The following PIK3C3 variants were observed in gnomAD, a reference collection of about 807,000 sequenced individuals.
PIK3C3 encodes phosphatidylinositol 3-kinase catalytic subunit type 3.
Under a neutral mutation model 126.1 loss-of-function variants are expected in PIK3C3, and 95 were observed. The ratio of observed to expected loss-of-function variants is 0.75; its 90% CI spans 0.64 to 0.89. PIK3C3 has a LOEUF of 0.89. Among genes scored for constraint, PIK3C3 ranks in the 40% least tolerant of loss-of-function variants. PIK3C3 has a pLI of 0.00. For missense variants in PIK3C3, 829 were observed against 1,063.2 expected, an observed-to-expected ratio of 0.78 and a Z score of 3.06; for synonymous variants, 374 against 360.0, an observed-to-expected ratio of 1.04 and a Z score of -0.44.
chr18:41,973,111 T>G (rs746253083), intron 4 of PIK3C3, among the ~76,000 whole-genome samples: 3 of 152,200 alleles, frequency 2.0e-5, no homozygotes, highest in Non-Finnish European at 2.9e-5. Context: ...AGGAAATAAT[T>G]GGGATTATCT....
chr18:42,068,072 A>G (rs937878534), intron 24 of PIK3C3, among the ~76,000 whole-genome samples: 3 of 152,166 alleles, frequency 2.0e-5, no homozygotes, highest in African/African-American at 4.8e-5. Flanking sequence ...TTTTTCTTCT[A>G]TGCCCTCACC....
intron 21 of PIK3C3, 178 bp from the exon 22 acceptor site, chr18:42,057,705 T>G (rs1464932948): frequency 1.7e-6 from 1 of 572,000 alleles, no homozygotes; most frequent in Non-Finnish European, 3.0e-6. Flanking sequence ...AATGAGTTAA[T>G]TATGTTCTGA....
chr18:42,001,355 A>G (rs1000460513), intron 9 of PIK3C3, among the ~76,000 whole-genome samples: 6 of 152,246 alleles, frequency 3.9e-5, no homozygotes. Flanking sequence ...TAATTGATAG[A>G]GCCAGGAATT....
intron 24 of PIK3C3, among the ~76,000 whole-genome samples, chr18:42,080,285 T>C (rs1303460130): frequency 6.6e-6 from 1 of 152,192 alleles, no homozygotes; most frequent in Non-Finnish European, 1.5e-5. Context: ...AATTTTTTTC[T>C]AGAGTGACAC....
intron 10 of PIK3C3, among the ~76,000 whole-genome samples, chr18:42,009,281 A>T (rs936558742): frequency 3.9e-5 from 6 of 152,198 alleles, no homozygotes; most frequent in African/African-American, 1.4e-4. Context: ...TTGAACAAGA[A>T]TTAATAAGCC....
chr18:42,039,030 A>G (rs1166684755), intron 18 of PIK3C3, among the ~76,000 whole-genome samples, 180 bp downstream of exon 18: 1 of 152,030 alleles, frequency 6.6e-6, no homozygotes, highest in Non-Finnish European at 1.5e-5. Flanking sequence ...CTCAGTAACT[A>G]CTGATTAATG....
intron 18 of PIK3C3, 57 bp from the exon 19 acceptor site, chr18:42,040,620 T>C: frequency 8.4e-7 from 1 of 1,183,992 alleles, no homozygotes. Flanking sequence ...GCAGAACCTT[T>C]ATTTTTATTT....
At chr18:41,992,879 C>T (rs1351221953) in intron 6 of PIK3C3, among the ~76,000 whole-genome samples, 3 of 152,094 alleles carry the variant, frequency 2.0e-5, no homozygotes, top group Non-Finnish European at 4.4e-5. Context: ...GCAAATGATG[C>T]AACACATCCA....
Position 42,041,215 on chromosome 18 carries a change from G to A in PIK3C3, c.2103+474G>A, listed in dbSNP as rs1392432291. Among the ~76,000 whole-genome samples, 5 of 151,882 alleles carry A rather than the reference G, an allele frequency of 3.3e-5. No individual in the cohort carries two copies. In the East Asian group the frequency reaches 9.6e-4, roughly 29 times the overall value. On this transcript the variant is annotated intron_variant, in intron 19 of 24. Coordinates refer to ENST00000262039, the MANE Select transcript of PIK3C3 (RefSeq NM_002647.4). ...ACAAAAAAAACCCCAAAAAAACAGA[G>A]TTAATTGGTGAACAAATTAAAATTT...
chr18:41,994,025 TTTG>T (rs1158161541), intron 7 of PIK3C3, among the ~76,000 whole-genome samples: 1 of 152,160 alleles, frequency 6.6e-6, no homozygotes, highest in African/African-American at 2.4e-5. Context: ...TCCAACTCTT[TTTG>T]TTCTAATTTT....
intron 18 of PIK3C3, 60 bp downstream of exon 18, chr18:42,038,910 A>G: frequency 8.6e-7 from 1 of 1,158,912 alleles, no homozygotes; most frequent in Non-Finnish European, 1.2e-6. Context: ...ACTTTTTCAA[A>G]TTGAAAATTT....
intron 12 of PIK3C3, among the ~76,000 whole-genome samples, chr18:42,015,850 A>C (rs888777872): frequency 6.6e-6 from 1 of 152,200 alleles, no homozygotes; most frequent in Non-Finnish European, 1.5e-5. Flanking sequence ...TAGAATATTT[A>C]CTGTCAATGT....
rs1284159887 is a variant in PIK3C3, at chr18:42,084,367, A to G, written c.*3230A>G. On this transcript the variant is annotated 3_prime_UTR_variant, in exon 25 of 25. Coordinates refer to ENST00000262039, the MANE Select transcript of PIK3C3 (RefSeq NM_002647.4). ...GAATAAACTTTAGTGCCAAATGGAA[A>G]ATAATTTTTTACAAGTAAATTTGAA... is the stretch of plus-strand genomic sequence containing the variant. 6.6e-6 allele frequency: 1 copy of G among 152,138 alleles called. No homozygotes were observed. Among genetic ancestry groups the G allele is most frequent in the Non-Finnish European group, 1.5e-5 (1 of 68,014 alleles). 9.4% of individuals were successfully genotyped at this position (152,138 alleles called of 1,614,324 possible).
At chr18:42,031,057 T>C (rs1282303332) in intron 15 of PIK3C3, among the ~76,000 whole-genome samples, 4 of 152,310 alleles carry the variant, frequency 2.6e-5, no homozygotes, top group Non-Finnish European at 4.4e-5. Context: ...TATCATGATA[T>C]GGTAAAAGAC....
At chr18:42,039,534 C>T (rs1484442658) in intron 18 of PIK3C3, among the ~76,000 whole-genome samples, 2 of 152,174 alleles carry the variant, frequency 1.3e-5, no homozygotes, top group Non-Finnish European at 2.9e-5. Context: ...TTCTTTTTGC[C>T]ACTCTTCCCC....
rs1223501560 is a variant in PIK3C3 at position 42,033,838 on chromosome 18, C to T, written c.1720C>T (p.Gln574Ter). The T allele has an allele frequency of 6.2e-7, 1 of 1,601,998 alleles. No homozygotes were observed. The highest frequency in any genetic ancestry group is 2.3e-5 in the East Asian group (1 of 44,290). The change falls in exon 16 of 25, where the codon CAG (glutamine) becomes TAG (stop). Residue 574 changes from glutamine (Q) to a stop codon, truncating the protein, a stop_gained. Coordinates refer to ENST00000262039, the MANE Select transcript of PIK3C3 (RefSeq NM_002647.4). LOFTEE classifies it high-confidence loss of function. Reference sequence around the variant, plus strand: ...TGATTTGTTCTAGAATGAGAGACTACAGGCATTGCTTGGAGATAATGAAAA... The same window carrying T: ...TGATTTGTTCTAGAATGAGAGACTATAGGCATTGCTTGGAGATAATGAAAA... ...GNRKKKNERLQALLGDNEKMN... is the reference protein window; with the variant it reads ...GNRKKKNERL
intron 15 of PIK3C3, 106 bp from the exon 16 acceptor site, chr18:42,033,720 T>A (rs1241587854): frequency 1.3e-6 from 1 of 768,514 alleles, no homozygotes; most frequent in African/African-American, 1.8e-5. Context: ...TTTTGGTGCT[T>A]TGCAAATACT....
intron 22 of PIK3C3, chr18:42,060,000 C>G (rs1166879984): frequency 6.6e-6 from 1 of 152,122 alleles, no homozygotes; most frequent in Non-Finnish European, 1.5e-5. Context: ...GTCTTGAACT[C>G]CTGGATTCAA....
At chr18:42,041,034 C>T (rs757466679) in intron 19 of PIK3C3, among the ~76,000 whole-genome samples, 11 of 151,944 alleles carry the variant, frequency 7.2e-5, no homozygotes, top group Non-Finnish European at 1.3e-4. Context: ...TCACAAAAAT[C>T]AGCCGGGCAT....
Sources: allele counts gnomAD v4.1 joint callset (sites outside exome capture counted in the v4.1 genomes callset), GRCh38; gene constraint gnomAD v4.1.1; transcripts MANE v1.5; gene names NCBI Gene and HGNC (gene_info 2026-07-23, HGNC 2026-07-21).